Variants in DIAPH2 observed in about 807,000 individuals in gnomAD.
The protein encoded by DIAPH2 is protein diaphanous homolog 2.
A neutral mutation model predicts 92.7 loss-of-function variants in DIAPH2; 35 were observed. That is an observed-to-expected ratio of 0.38 (90% CI 0.29 to 0.50). DIAPH2 has a LOEUF of 0.50. Among genes scored for constraint, DIAPH2 ranks in the 20% least tolerant of loss-of-function variants. The pLI, the probability that DIAPH2 is intolerant of heterozygous loss-of-function variation, is 0.94. For missense variants in DIAPH2, 701 were observed against 819.5 expected (o/e 0.86, Z 1.77); for synonymous variants, 301 against 280.4 (o/e 1.07, Z -0.73).
chrX:97,494,751 G>A (rs2070747132), intron 26 of DIAPH2, among the ~76,000 whole-genome samples: 1 of 111,993 alleles, frequency 8.9e-6, no homozygotes, highest in Non-Finnish European at 1.9e-5. Context: ...TTTACCCCTA[G>A]CACAATTCAT....
chrX:97,189,957 C>A (rs1031757319), intron 22 of DIAPH2, among the ~76,000 whole-genome samples: 3 of 113,068 alleles, frequency 2.7e-5, no homozygotes, highest in African/African-American at 9.6e-5. Flanking sequence ...TTGTATCCTA[C>A]GTGCATGAGT....
intron 22 of DIAPH2, among the ~76,000 whole-genome samples, chrX:97,209,853 A>G (rs756133126): frequency 5.7e-4 from 63 of 110,745 alleles, no homozygotes; most frequent in Middle Eastern, 4.9e-3. Flanking sequence ...CCTCTTCTTA[A>G]TGATTTTAAC....
chrX:97,456,057 C>T (rs1273121533), intron 26 of DIAPH2, among the ~76,000 whole-genome samples: 1 of 112,097 alleles, frequency 8.9e-6, no homozygotes, highest in African/African-American at 3.2e-5. Flanking sequence ...AAATTGACTT[C>T]TTTCTACAGA....
intron 25 of DIAPH2, among the ~76,000 whole-genome samples, chrX:97,417,058 T>G (rs1337770557): frequency 9.0e-6 from 1 of 111,695 alleles, no homozygotes; most frequent in Non-Finnish European, 1.9e-5. Flanking sequence ...ACCAGAAAGT[T>G]ATGGAATCTT....
intron 7 of DIAPH2, among the ~76,000 whole-genome samples, chrX:96,915,222 A>G (rs1342815872): frequency 9.0e-6 from 1 of 110,701 alleles, no homozygotes; most frequent in African/African-American, 3.3e-5. Context: ...TTAAAACCTA[A>G]TGATTTCACT....
intron 5 of DIAPH2, among the ~76,000 whole-genome samples, chrX:96,883,756 T>C (rs182409121): frequency 7.1e-4 from 79 of 111,190 alleles, no homozygotes; most frequent in African/African-American, 2.2e-3. Flanking sequence ...TGGTGCATTT[T>C]TCCCCCCTGC....
At chrX:96,973,623 TA>T (rs1189113642) in intron 17 of DIAPH2, among the ~76,000 whole-genome samples, 1 of 110,262 alleles carries the variant, frequency 9.1e-6, no homozygotes, top group Admixed American at 9.7e-5. Context: ...TTAAAGTATA[TA>T]GGGGGATGTG....
At chrX:96,775,230 A>G (rs924680498) in intron 4 of DIAPH2, among the ~76,000 whole-genome samples, 2 of 110,397 alleles carry the variant, frequency 1.8e-5, no homozygotes, top group East Asian at 2.8e-4. Context: ...TAATTTTTCC[A>G]TATAATACTG....
rs1043197619 is a variant in DIAPH2 at position 96,706,862 on chromosome X, A to T, written c.132+21672A>T. On this transcript the variant is annotated intron_variant, in intron 1 of 26. Coordinates refer to ENST00000324765, the MANE Select transcript of DIAPH2 (RefSeq NM_006729.5). ...ATATTACATATCAGTGAATGTAGAG[A>T]TCTACAAAATTGTGGCTAGCATAAA... Among the ~76,000 whole-genome samples the T allele has an allele frequency of 5.0e-4, 56 of 112,077 alleles. 1 individual carries two copies. Among genetic ancestry groups the T allele is most frequent in the Non-Finnish European group, 6.6e-4 (35 of 53,244 alleles).
chrX:96,856,530 G>A (rs2147718937), intron 4 of DIAPH2, among the ~76,000 whole-genome samples: 1 of 105,618 alleles, frequency 9.5e-6, no homozygotes, highest in South Asian at 4.3e-4. Context: ...GTCTAGATTA[G>A]TTGCATTTGT....
chrX:97,410,280 G>A (rs1438815440), intron 25 of DIAPH2, among the ~76,000 whole-genome samples: 5 of 112,093 alleles, frequency 4.5e-5, no homozygotes, highest in Non-Finnish European at 7.5e-5. Flanking sequence ...GTCTGGAGTG[G>A]ACTTCCAGCA....
In DIAPH2 at chrX:96,830,597, AT is replaced by A. The variant is rs1401159735; in HGVS notation, c.448-50981del. On this transcript the variant is annotated intron_variant, in intron 4 of 26. Transcript: ENST00000324765. ...AAAAAAAAAAAAAAAAAAAAAAAAA[AT>A]GAGCAAATGAAAACCCCTATTAAAA... Among the ~76,000 whole-genome samples the A allele has an allele frequency of 2.8e-4, 27 of 96,849 alleles. 1 individual carries two copies. The highest frequency in any genetic ancestry group is 5.0e-4 in the Non-Finnish European group (23 of 45,656). 84.1% of individuals were successfully genotyped at this position (96,849 alleles called of 115,157 possible). A position where few individuals can be genotyped will look rare whatever the true frequency, so the allele number is the denominator to read the frequency against.
intron 4 of DIAPH2, among the ~76,000 whole-genome samples, chrX:96,768,716 A>G (rs1264605958): frequency 9.0e-6 from 1 of 111,401 alleles, no homozygotes; most frequent in South Asian, 3.8e-4. Context: ...GCCTTGAGGC[A>G]GGAGTGTGCT....
intron 22 of DIAPH2, among the ~76,000 whole-genome samples, chrX:97,191,431 A>G (rs1430659912): frequency 8.9e-6 from 1 of 111,835 alleles, no homozygotes; most frequent in Non-Finnish European, 1.9e-5. Flanking sequence ...TTGTTCCTTC[A>G]GAGTTCTTCC....
chrX:97,351,103 C>T lies in DIAPH2; in HGVS notation c.3009+2823C>T, dbSNP rs184206730. Reference sequence around the variant, plus strand: ...ACTTCTATCTACAAATCTTTATCAACTTGCTGCCATGAGAATTAGGTGTGC... The same window carrying T: ...ACTTCTATCTACAAATCTTTATCAATTTGCTGCCATGAGAATTAGGTGTGC... On this transcript the variant is annotated intron_variant, in intron 24 of 26. Transcript: ENST00000324765. Among the ~76,000 whole-genome samples, 747 of 112,400 alleles carry T rather than the reference C, an allele frequency of 6.6e-3. 6 individuals carry two copies. Among genetic ancestry groups the T allele is most frequent in the African/African-American group, 0.023 (709 of 30,974 alleles).
At chrX:97,399,037 C>T (rs910197352) in intron 25 of DIAPH2, among the ~76,000 whole-genome samples, 1 of 111,123 alleles carries the variant, frequency 9.0e-6, no homozygotes, top group Non-Finnish European at 1.9e-5. Context: ...AGCCATTGCA[C>T]CCGGCCGGAT....
At chrX:97,286,258 C>T (rs989523553) in intron 23 of DIAPH2, among the ~76,000 whole-genome samples, 6 of 107,785 alleles carry the variant, frequency 5.6e-5, no homozygotes, top group Non-Finnish European at 9.6e-5. Context: ...ACCATGTTGG[C>T]CACGCTGGTC....
At chrX:97,171,284 C>A (rs2067451815) in intron 22 of DIAPH2, among the ~76,000 whole-genome samples, 1 of 112,245 alleles carries the variant, frequency 8.9e-6, no homozygotes, top group Non-Finnish European at 1.9e-5. Context: ...AGCCAATATC[C>A]TATTATTAGG....
At chrX:97,132,558 T>C (rs1415453035) in intron 21 of DIAPH2, among the ~76,000 whole-genome samples, 4 of 112,046 alleles carry the variant, frequency 3.6e-5, no homozygotes, top group Non-Finnish European at 7.5e-5. Flanking sequence ...CAGAACTTAA[T>C]TTTGTTTAAA....
Sources: gnomAD v4.1 joint callset for allele counts (sites outside exome capture counted in the v4.1 genomes callset) on GRCh38, gnomAD v4.1.1 for gene constraint, MANE v1.5 for transcripts, NCBI Gene and HGNC (gene_info 2026-07-23, HGNC 2026-07-21) for gene names.